IRF2: variants seen among roughly 807,000 people sequenced by gnomAD.
IRF2 encodes interferon regulatory factor 2.
A neutral mutation model predicts 40.6 loss-of-function variants in IRF2; 15 were observed. The ratio of observed to expected loss-of-function variants is 0.37; its 90% CI spans 0.25 to 0.57. The LOEUF (loss-of-function observed/expected upper bound fraction) is 0.57. Ranked by LOEUF, IRF2 falls within the 20% of genes least tolerant of loss-of-function variation. IRF2 has a pLI of 0.77. For missense variants in IRF2, 317 were observed against 455.7 expected (o/e 0.70, Z 2.77); for synonymous variants, 151 against 165.5 (o/e 0.91, Z 0.67).
intron 1 of IRF2, among the ~76,000 whole-genome samples, chr4:184,460,689 A>C (rs561809618): frequency 1.3e-5 from 2 of 151,882 alleles, no homozygotes; most frequent in African/African-American, 4.8e-5. Flanking sequence ...ATGCACGCAC[A>C]CACACACATG....
intron 2 of IRF2, among the ~76,000 whole-genome samples, chr4:184,421,020 A>G (rs1435966730): frequency 6.6e-6 from 1 of 152,238 alleles, no homozygotes; most frequent in Non-Finnish European, 1.5e-5. Context: ...ATTAAAGCCC[A>G]GGAGGTTGTA....
intron 2 of IRF2, among the ~76,000 whole-genome samples, chr4:184,426,492 C>T (rs1213226259): frequency 6.6e-6 from 1 of 152,194 alleles, no homozygotes; most frequent in African/African-American, 2.4e-5. Flanking sequence ...CATCAGGGCC[C>T]ACCCAGAAAA....
intron 1 of IRF2, among the ~76,000 whole-genome samples, chr4:184,445,644 G>C (rs1398142760): frequency 7.8e-6 from 1 of 128,744 alleles, no homozygotes; most frequent in African/African-American, 2.7e-5. Flanking sequence ...GACAGAGTGA[G>C]ACTCCATCAC....
chr4:184,432,248 G>T (rs1737912400), intron 1 of IRF2, among the ~76,000 whole-genome samples: 2 of 152,230 alleles, frequency 1.3e-5, no homozygotes, highest in African/African-American at 2.4e-5. Flanking sequence ...GTCACTCGGG[G>T]ACATGTGCTG....
chr4:184,416,493 A>G (rs1737281897), intron 5 of IRF2, among the ~76,000 whole-genome samples: 1 of 152,148 alleles, frequency 6.6e-6, no homozygotes, highest in African/African-American at 2.4e-5. Context: ...TGGATTTTAT[A>G]TGGGTCTTAA....
intron 1 of IRF2, among the ~76,000 whole-genome samples, chr4:184,452,108 C>A (rs1279350023): frequency 6.6e-5 from 10 of 152,288 alleles, no homozygotes; most frequent in East Asian, 3.9e-4. Context: ...TATTTGGAGA[C>A]CCTCCTCAGG....
At chr4:184,425,979 TTTGTTTG>T (rs1737656347) in intron 2 of IRF2, among the ~76,000 whole-genome samples, 1 of 7,670 alleles carries the variant, frequency 1.3e-4, no homozygotes, top group African/African-American at 1.0e-3. Context: ...CACTCCGGTT[TTTGTTTG>T]TTTGTTTGTT....
rs191077429 is a variant in IRF2 at position 184,397,628 on chromosome 4, C to T, written c.694+1287G>A. 1.2e-3 allele frequency among the ~76,000 whole-genome samples: 182 copies of T among 152,140 alleles called. 1 individual carries two copies. Among genetic ancestry groups the T allele is most frequent in the South Asian group, 7.5e-3 (36 of 4,820 alleles). On this transcript the variant is annotated intron_variant, in intron 7 of 8. Transcript: ENST00000393593. ...TCCTTTGAGTCAACTCTAATTCCAA[C>T]GCTGGTCGGAGCCAGTGTTGGGGGT...
chr4:184,459,288 A>T (rs539992291), intron 1 of IRF2, among the ~76,000 whole-genome samples: 1 of 152,228 alleles, frequency 6.6e-6, no homozygotes, highest in Admixed American at 6.5e-5. Flanking sequence ...AACAGAAAAA[A>T]AATAATTATT....
intron 1 of IRF2, among the ~76,000 whole-genome samples, chr4:184,437,440 C>A (rs761844092): frequency 6.6e-6 from 1 of 152,124 alleles, no homozygotes; most frequent in Non-Finnish European, 1.5e-5. Flanking sequence ...CTCAAGTGAT[C>A]CTCCTACTTC....
intron 6 of IRF2, among the ~76,000 whole-genome samples, chr4:184,400,612 T>C (rs549060648): frequency 3.3e-4 from 51 of 152,378 alleles, no homozygotes; most frequent in Admixed American, 1.2e-3. Context: ...GGTAATTTCA[T>C]GTTTAATTTT....
rs1738540988 is a variant in IRF2, at chr4:184,447,123, CA to C, written c.-6-18054del. On this transcript the variant is annotated intron_variant, in intron 1 of 8. Transcript: ENST00000393593. Reference sequence around the variant, plus strand: ...AACACCATCCTCCACCAAAAGGAATCAGGGCTCCTTGGAGAAATGGCTGACT... The same window carrying C: ...AACACCATCCTCCACCAAAAGGAATCGGGCTCCTTGGAGAAATGGCTGACT... 2.6e-5 allele frequency among the ~76,000 whole-genome samples: 4 copies of C among 152,198 alleles called. No individual in the cohort carries two copies. The South Asian group carries it at 8.3e-4, about 32-fold the overall frequency.
intron 5 of IRF2, among the ~76,000 whole-genome samples, chr4:184,414,722 TA>T (rs1305550735): frequency 6.6e-6 from 1 of 152,226 alleles, no homozygotes; most frequent in East Asian, 1.9e-4. Context: ...AGCATGGAGA[TA>T]AATCATGAGT....
At position 184,409,504 on chromosome 4, in the gene IRF2, C is replaced by T. The variant is rs548915145; in HGVS notation, c.412-1229G>A. Among the ~76,000 whole-genome samples, 247 of 152,310 alleles carry T rather than the reference C, an allele frequency of 1.6e-3. 1 individual carries two copies. The highest frequency in any genetic ancestry group is 5.4e-3 in the African/African-American group (226 of 41,560). ...ATGTCCCGAAGGTCCAGCGTAAGGGCAGGCCCAGAATATCCATCCCTACCA... is the reference window on the plus strand; with the variant it reads ...ATGTCCCGAAGGTCCAGCGTAAGGGTAGGCCCAGAATATCCATCCCTACCA... On this transcript the variant is annotated intron_variant, in intron 5 of 8. Coordinates refer to ENST00000393593, the MANE Select transcript of IRF2 (RefSeq NM_002199.4).
chr4:184,445,326 A>G (rs1237686216), intron 1 of IRF2, among the ~76,000 whole-genome samples: 1 of 152,168 alleles, frequency 6.6e-6, no homozygotes, highest in Non-Finnish European at 1.5e-5. Flanking sequence ...GACTGTCCTG[A>G]TGTCAGCAGG....
intron 4 of IRF2, 149 bp from the exon 5 acceptor site, chr4:184,418,362 T>C: frequency 4.2e-6 from 4 of 946,766 alleles, no homozygotes; most frequent in South Asian, 1.4e-5. Context: ...TTTCACTGCC[T>C]CTGGTGAATC....
At chr4:184,460,751 A>C (rs1262427502) in intron 1 of IRF2, among the ~76,000 whole-genome samples, 1 of 152,126 alleles carries the variant, frequency 6.6e-6, no homozygotes, top group African/African-American at 2.4e-5. Flanking sequence ...TTTCAAAATG[A>C]AGTAAGGACC....
intron 1 of IRF2, among the ~76,000 whole-genome samples, chr4:184,433,820 T>A (rs793814): frequency 0.7 from 107,001 of 152,114 alleles, 38,093 homozygotes; most frequent in East Asian, 0.96. Context: ...TGCGCTTGCC[T>A]CGCGACACGG....
chr4:184,401,148 C>T (rs1006279618), intron 6 of IRF2, among the ~76,000 whole-genome samples: 3 of 152,344 alleles, frequency 2.0e-5, no homozygotes, highest in South Asian at 2.1e-4. Flanking sequence ...CAGGTTAGAA[C>T]GCATTCCAGT....
Sources: gnomAD v4.1 joint callset for allele counts (sites outside exome capture counted in the v4.1 genomes callset) on GRCh38, gnomAD v4.1.1 for gene constraint, MANE v1.5 for transcripts, NCBI Gene and HGNC (gene_info 2026-07-23, HGNC 2026-07-21) for gene names.